Variants in PTPRD observed in about 807,000 individuals in gnomAD.
PTPRD encodes receptor-type tyrosine-protein phosphatase delta.
PTPRD carries 34 observed loss-of-function variants against 214.5 expected under a neutral mutation model. That is an observed-to-expected ratio of 0.16 (90% confidence interval 0.12 to 0.21). PTPRD has a LOEUF of 0.21. Among genes scored for constraint, PTPRD ranks in the 10% least tolerant of loss-of-function variants. The probability of loss-of-function intolerance (pLI) is 1.00; values close to 1 mark genes in which losing one functional copy is unlikely to be tolerated. For synonymous variants in PTPRD, 1,128 were observed against 845.7 expected (o/e 1.33, Z -5.79); for missense variants, 2,545 against 2,398.7 (o/e 1.06, Z -1.27).
chr9:9,958,405 C>T (rs2094117702), intron 4 of PTPRD, among the ~76,000 whole-genome samples: 1 of 152,050 alleles, frequency 6.6e-6, no homozygotes, highest in Non-Finnish European at 1.5e-5. Flanking sequence ...GTGGCACGCA[C>T]CTGTAATACC....
chr9:10,141,537 C>A (rs2098985073), intron 3 of PTPRD, among the ~76,000 whole-genome samples: 1 of 152,068 alleles, frequency 6.6e-6, no homozygotes, highest in African/African-American at 2.4e-5. Context: ...AGGAATTCAA[C>A]TTACAAGGGA....
intron 11 of PTPRD, among the ~76,000 whole-genome samples, chr9:8,937,162 T>C (rs2099003409): frequency 6.6e-6 from 1 of 152,202 alleles, no homozygotes; most frequent in Non-Finnish European, 1.5e-5. Flanking sequence ...TAACGTTTTC[T>C]TAAAAAGTCT....
intron 7 of PTPRD, among the ~76,000 whole-genome samples, chr9:9,579,262 C>A (rs1030622278): frequency 2.0e-5 from 3 of 151,942 alleles, no homozygotes; most frequent in Non-Finnish European, 4.4e-5. Flanking sequence ...TACTAAGTGC[C>A]AAGAAGTGTG....
rs555827411 is a variant in PTPRD, at chr9:9,874,203, G to A, written c.-368+64304C>T. 2.0e-5 allele frequency among the ~76,000 whole-genome samples: 3 copies of A among 152,284 alleles called. No homozygotes were observed. The South Asian group carries it at 6.2e-4, about 32-fold the overall frequency. On this transcript the variant is annotated intron_variant, in intron 5 of 45. Coordinates refer to ENST00000381196, the MANE Select transcript of PTPRD (RefSeq NM_002839.4). ...TCAAGGGGACATGCCAGTGGGCTGTGGAGTGAGACAGGAGGCCGAAGACGA... is the reference window on the plus strand; with the variant it reads ...TCAAGGGGACATGCCAGTGGGCTGTAGAGTGAGACAGGAGGCCGAAGACGA...
chr9:8,722,414 T>G lies in PTPRD; in HGVS notation c.64+11366A>C, dbSNP rs11789688. ...TTAGAGAAAACATTTAAGTTATGGT[T>G]TAATAATCATTTTATGTATTACCTT... On this transcript the variant is annotated intron_variant, in intron 12 of 45. Coordinates refer to ENST00000381196, the MANE Select transcript of PTPRD (RefSeq NM_002839.4). Among the ~76,000 whole-genome samples the G allele has an allele frequency of 4.8e-3, 738 of 152,298 alleles. 3 individuals are homozygous for G. The highest frequency in any genetic ancestry group is 8.4e-3 in the Non-Finnish European group (573 of 68,010).
chr9:8,506,109 A>C (rs1481212370), intron 22 of PTPRD, among the ~76,000 whole-genome samples: 4 of 152,254 alleles, frequency 2.6e-5, no homozygotes, highest in Non-Finnish European at 4.4e-5. Flanking sequence ...AATAAAACAG[A>C]AGTTTACAAG....
intron 12 of PTPRD, among the ~76,000 whole-genome samples, chr9:8,691,545 T>C (rs2097801086): frequency 6.6e-6 from 1 of 152,136 alleles, no homozygotes; most frequent in Admixed American, 6.5e-5. Context: ...AATCTTGAAA[T>C]TTCACAAGTC....
At chr9:8,568,967 T>C (rs992561921) in intron 14 of PTPRD, among the ~76,000 whole-genome samples, 2 of 152,158 alleles carry the variant, frequency 1.3e-5, no homozygotes, top group African/African-American at 4.8e-5. Flanking sequence ...ATTTCTTTTA[T>C]ATAGAAATAT....
intron 8 of PTPRD, among the ~76,000 whole-genome samples, chr9:9,511,475 A>G (rs980652540): frequency 7.2e-5 from 11 of 151,754 alleles, no homozygotes; most frequent in African/African-American, 1.4e-4. Flanking sequence ...ATAGAAATTT[A>G]TAATACATAT....
chr9:10,059,296 C>A (rs2097713838), intron 3 of PTPRD, among the ~76,000 whole-genome samples: 1 of 152,146 alleles, frequency 6.6e-6, no homozygotes, highest in Non-Finnish European at 1.5e-5. Context: ...GCGCAATACT[C>A]ATGGGCTTCT....
At chr9:9,582,749 G>A (rs1253182910) in intron 7 of PTPRD, among the ~76,000 whole-genome samples, 1 of 151,802 alleles carries the variant, frequency 6.6e-6, no homozygotes, top group Non-Finnish European at 1.5e-5. Context: ...ATATTCTTCT[G>A]GAGGCTCAAA....
At chr9:10,416,679 G>C (rs140428726) in intron 2 of PTPRD, among the ~76,000 whole-genome samples, 1 of 151,774 alleles carries the variant, frequency 6.6e-6, no homozygotes, top group Admixed American at 6.6e-5. Context: ...AAAGCAGTAA[G>C]AAATATCACA....
chr9:10,037,221 C>A (rs2097200651), intron 3 of PTPRD, among the ~76,000 whole-genome samples: 1 of 152,084 alleles, frequency 6.6e-6, no homozygotes, highest in South Asian at 2.1e-4. Flanking sequence ...TGGCTTGGAT[C>A]TTTGTCCCCA....
chr9:8,755,932 A>G (rs568144000), intron 11 of PTPRD, among the ~76,000 whole-genome samples: 1 of 152,366 alleles, frequency 6.6e-6, no homozygotes, highest in African/African-American at 2.4e-5. Context: ...AATATGTAAT[A>G]TTAGTAAAGC....
intron 2 of PTPRD, among the ~76,000 whole-genome samples, chr9:10,534,225 C>A (rs1351076730): frequency 5.9e-5 from 9 of 151,628 alleles, no homozygotes. Context: ...CATCAGAGTT[C>A]TAAAAAGATG....
chr9:9,445,699 C>A (rs2090157839), intron 8 of PTPRD, among the ~76,000 whole-genome samples: 1 of 152,064 alleles, frequency 6.6e-6, no homozygotes, highest in African/African-American at 2.4e-5. Flanking sequence ...TAAATGCCCC[C>A]ATGATTCAGT....
At chr9:10,372,876 G>C (rs2097655756) in intron 2 of PTPRD, among the ~76,000 whole-genome samples, 1 of 141,350 alleles carries the variant, frequency 7.1e-6, no homozygotes, top group South Asian at 2.3e-4. Flanking sequence ...TTGAGATGTA[G>C]TCTTGCTCTA....
At chr9:8,515,283 T>G (rs1289078096) in intron 21 of PTPRD, among the ~76,000 whole-genome samples, 1 of 152,214 alleles carries the variant, frequency 6.6e-6, no homozygotes, top group East Asian at 1.9e-4. Context: ...CTAATTGGTT[T>G]GTGAGAATAA....
At chr9:9,761,954 C>G (rs940177952) in intron 6 of PTPRD, among the ~76,000 whole-genome samples, 3 of 152,106 alleles carry the variant, frequency 2.0e-5, no homozygotes, top group African/African-American at 7.2e-5. Context: ...GCTGGCTTAA[C>G]AAAATACCAA....
Sources: allele counts gnomAD v4.1 joint callset (sites outside exome capture counted in the v4.1 genomes callset), GRCh38; gene constraint gnomAD v4.1.1; transcripts MANE v1.5; gene names NCBI Gene and HGNC (gene_info 2026-07-23, HGNC 2026-07-21).